ST8SIA4: variants seen among roughly 807,000 people sequenced by gnomAD.
ST8SIA4 encodes the protein CMP-N-acetylneuraminate-poly-alpha-2,8-sialyltransferase.
In ST8SIA4, 15 loss-of-function variants were observed where a neutral mutation model predicts 33.9. That is an observed-to-expected ratio of 0.44 (90% CI 0.30 to 0.68). The LOEUF (loss-of-function observed/expected upper bound fraction) is 0.68. Ranked by LOEUF, ST8SIA4 falls within the 30% of genes least tolerant of loss-of-function variation. The probability of loss-of-function intolerance (pLI) is 0.10; values close to 1 mark genes in which losing one functional copy is unlikely to be tolerated. For synonymous variants in ST8SIA4, 171 were observed against 151.2 expected (o/e 1.13, Z -0.96); for missense variants, 321 against 428.0 (o/e 0.75, Z 2.21).
chr5:100,894,722 T>A (rs1443811825), intron 2 of ST8SIA4, among the ~76,000 whole-genome samples: 7 of 152,098 alleles, frequency 4.6e-5, no homozygotes, highest in African/African-American at 7.2e-5. Flanking sequence ...AAATTTCTTA[T>A]AATCTACATT....
intron 4 of ST8SIA4, among the ~76,000 whole-genome samples, chr5:100,852,533 C>T (rs1751727751): frequency 6.6e-6 from 1 of 152,108 alleles, no homozygotes; most frequent in Non-Finnish European, 1.5e-5. Context: ...GGCAATCCCA[C>T]ACCAATTTTA....
At chr5:100,901,282 G>C (rs2112489632) in intron 1 of ST8SIA4, among the ~76,000 whole-genome samples, 1 of 152,326 alleles carries the variant, frequency 6.6e-6, no homozygotes, top group Admixed American at 6.5e-5. Flanking sequence ...TCCCAGCCAA[G>C]GGCCCGAACC....
intron 3 of ST8SIA4, among the ~76,000 whole-genome samples, chr5:100,873,453 C>T (rs2112459241): frequency 1.3e-5 from 2 of 152,230 alleles, no homozygotes; most frequent in African/African-American, 2.4e-5. Flanking sequence ...TTCTGACTCA[C>T]TATCTCTAGA....
chr5:100,849,231 G>T lies in ST8SIA4; in HGVS notation c.797+6872C>A, dbSNP rs539672985. 3.2e-5 allele frequency: 32 copies of T among 985,182 alleles called. No individual in the cohort carries two copies. In the African/African-American group the frequency reaches 5.1e-4, roughly 16 times the overall value. The allele number at this position is 985,182 out of a possible 1,614,324, so 61.0% of individuals were successfully genotyped here. ...AAGTTCAGAACCAGTGATTCTTAGA[G>T]CCCAAAGGAATCTATACGATTATAT... On this transcript the variant is annotated intron_variant, in intron 4 of 4. Transcript: ENST00000231461.
At chr5:100,897,604 G>A (rs1339921908) in intron 1 of ST8SIA4, among the ~76,000 whole-genome samples, 2 of 152,086 alleles carry the variant, frequency 1.3e-5, no homozygotes, top group African/African-American at 4.8e-5. Flanking sequence ...AACATTGCCT[G>A]TGTAACAGCT....
intron 3 of ST8SIA4, among the ~76,000 whole-genome samples, chr5:100,864,855 TTTA>T (rs1483695673): frequency 6.6e-6 from 1 of 152,190 alleles, no homozygotes; most frequent in African/African-American, 2.4e-5. Flanking sequence ...TATTATAATG[TTTA>T]TTATTTAATT....
chr5:100,883,413 A>G (rs2112469550), intron 3 of ST8SIA4, among the ~76,000 whole-genome samples: 1 of 152,314 alleles, frequency 6.6e-6, no homozygotes, highest in South Asian at 2.1e-4. Flanking sequence ...TTGATTTTAC[A>G]GGCTCATAGG....
intron 4 of ST8SIA4, among the ~76,000 whole-genome samples, chr5:100,822,049 G>C (rs1408031229): frequency 2.6e-5 from 4 of 152,168 alleles, no homozygotes; most frequent in African/African-American, 9.7e-5. Flanking sequence ...CAAAGCCACT[G>C]TTTTAATTCT....
At chr5:100,898,127 A>G (rs1449872078) in intron 1 of ST8SIA4, among the ~76,000 whole-genome samples, 3 of 152,146 alleles carry the variant, frequency 2.0e-5, no homozygotes, top group Non-Finnish European at 4.4e-5. Context: ...TTCACCACCA[A>G]TAAACTTTCA....
chr5:100,885,867 G>C, intron 3 of ST8SIA4: 1 of 870,680 alleles, frequency 1.1e-6, no homozygotes, highest in South Asian at 5.3e-5. Flanking sequence ...AAGAAATATG[G>C]CTCAGGATAT....
intron 4 of ST8SIA4, among the ~76,000 whole-genome samples, chr5:100,834,157 G>A (rs934170475): frequency 2.0e-5 from 3 of 152,006 alleles, no homozygotes; most frequent in African/African-American, 7.2e-5. Context: ...TAATGTATAT[G>A]GATATGTACT....
intron 3 of ST8SIA4, chr5:100,886,116 G>C (rs1328591761): frequency 1.5e-6 from 2 of 1,305,388 alleles, no homozygotes; most frequent in African/African-American, 1.5e-5. Flanking sequence ...AAAAAAAGCT[G>C]TGTGAATCTT....
intron 4 of ST8SIA4, among the ~76,000 whole-genome samples, chr5:100,830,936 T>C (rs1751245368): frequency 6.6e-6 from 1 of 152,218 alleles, no homozygotes; most frequent in Non-Finnish European, 1.5e-5. Flanking sequence ...TTATTATGTT[T>C]ACTTAGAATT....
chr5:100,901,360 G>A (rs915410804), intron 1 of ST8SIA4, among the ~76,000 whole-genome samples: 1 of 152,178 alleles, frequency 6.6e-6, no homozygotes, highest in Non-Finnish European at 1.5e-5. Flanking sequence ...CCACGGCCCG[G>A]GAGGGAACAA....
In ST8SIA4 at chr5:100,811,745, C is replaced by A; in HGVS notation, c.*102G>T. 1 of 1,184,242 alleles carries A rather than the reference C, an allele frequency of 8.4e-7. No homozygotes were observed. Among genetic ancestry groups the A allele is most frequent in the Non-Finnish European group, 1.2e-6 (1 of 851,250 alleles). The allele number at this position is 1,184,242 out of a possible 1,614,324, so 73.4% of individuals were successfully genotyped here. A position where few individuals can be genotyped will look rare whatever the true frequency, so the allele number is the denominator to read the frequency against. On this transcript the variant is annotated 3_prime_UTR_variant, in exon 5 of 5. Coordinates refer to ENST00000231461, the MANE Select transcript of ST8SIA4 (RefSeq NM_005668.6). ...AACGTCCTTTATTCACCTTTCAGTT[C>A]ATTGGTGGATGCTGAAACCCAGCCG...
chr5:100,901,601 A>AC (rs763331890), intron 1 of ST8SIA4, among the ~76,000 whole-genome samples: 19 of 152,060 alleles, frequency 1.2e-4, no homozygotes, highest in Non-Finnish European at 2.5e-4. Context: ...CTCAGAATAG[A>AC]CCATGTATAG....
At chr5:100,847,771 A>T (rs1383629719) in intron 4 of ST8SIA4, among the ~76,000 whole-genome samples, 1 of 152,076 alleles carries the variant, frequency 6.6e-6, no homozygotes, top group Non-Finnish European at 1.5e-5. Context: ...TATCCGTAAG[A>T]CGTAATTTTT....
chr5:100,886,650 G>A, intron 2 of ST8SIA4, 50 bp from the exon 3 acceptor site: 3 of 1,418,360 alleles, frequency 2.1e-6, no homozygotes, highest in South Asian at 2.4e-5. Flanking sequence ...GCATATCCAA[G>A]AACTGATGGT....
chr5:100,816,514 T>C, intron 4 of ST8SIA4: 1 of 526,972 alleles, frequency 1.9e-6, no homozygotes, highest in South Asian at 1.4e-5. Flanking sequence ...ACTGCAGTTT[T>C]TGCTATTGAA....
Sources: gnomAD v4.1 joint callset for allele counts (sites outside exome capture counted in the v4.1 genomes callset) on GRCh38, gnomAD v4.1.1 for gene constraint, MANE v1.5 for transcripts, NCBI Gene and HGNC (gene_info 2026-07-23, HGNC 2026-07-21) for gene names.